The following ZNF518A variants were observed in gnomAD, a reference collection of about 807,000 sequenced individuals.
ZNF518A encodes zinc finger protein 518.
ZNF518A carries 47 observed loss-of-function variants against 102.7 expected under a neutral mutation model. The ratio of observed to expected loss-of-function variants is 0.46; its 90% CI spans 0.36 to 0.58. ZNF518A has a LOEUF of 0.58. Among genes scored for constraint, ZNF518A ranks in the 20% least tolerant of loss-of-function variants. ZNF518A has a pLI of 0.00. For missense variants in ZNF518A, 1,793 were observed against 1,699.8 expected, an observed-to-expected ratio of 1.05 and a Z score of -0.96; for synonymous variants, 652 against 594.6, an observed-to-expected ratio of 1.10 and a Z score of -1.40.
At chr10:96,189,529 T>A in intron 1 of ZNF518A, 1 of 654,024 alleles carries the variant, frequency 1.5e-6, no homozygotes, top group East Asian at 3.4e-5. Context: ...CTAGGCCCTT[T>A]TGGTGTTTTA....
At chr10:96,193,867 C>T (rs1485933614) in intron 1 of ZNF518A, among the ~76,000 whole-genome samples, 1 of 152,194 alleles carries the variant, frequency 6.6e-6, no homozygotes, top group Non-Finnish European at 1.5e-5. Flanking sequence ...ACATGATTGA[C>T]ATCATGTAAC....
chr10:96,171,731 GTA>G (rs2083175219), intron 1 of ZNF518A, among the ~76,000 whole-genome samples: 2 of 152,210 alleles, frequency 1.3e-5, no homozygotes, highest in South Asian at 4.1e-4. Context: ...CAACATATGT[GTA>G]ATGAAAAATT....
At chr10:96,145,076 G>GTTGTTGTTT (rs2082110634) in intron 3 of ZNF518A, among the ~76,000 whole-genome samples, 1 of 151,974 alleles carries the variant, frequency 6.6e-6, no homozygotes, top group Non-Finnish European at 1.5e-5. Context: ...TGTTGTTGTT[G>GTTGTTGTTT]TTGTTGTTGT....
downstream of ZNF518A, among the ~76,000 whole-genome samples, chr10:96,166,200 C>T (rs1403858845): frequency 1.3e-5 from 2 of 152,202 alleles, no homozygotes; most frequent in South Asian, 2.1e-4. Context: ...TTGGATTGTG[C>T]GTCAATCACA....
At chr10:96,180,301 G>A (rs1380502771) in intron 1 of ZNF518A, among the ~76,000 whole-genome samples, 1 of 149,166 alleles carries the variant, frequency 6.7e-6, no homozygotes, top group Non-Finnish European at 1.5e-5. Context: ...TATAATTACA[G>A]GTGTGAGCCA....
chr10:96,169,130 G>C (rs1312917961), intron 1 of ZNF518A, among the ~76,000 whole-genome samples: 1 of 152,084 alleles, frequency 6.6e-6, no homozygotes, highest in Admixed American at 6.6e-5. Context: ...CTAGACTCAA[G>C]CATTCCTTCC....
At chr10:96,196,901 C>A in intron 1 of ZNF518A, 1 of 1,612,614 alleles carries the variant, frequency 6.2e-7, no homozygotes, top group Non-Finnish European at 8.5e-7. Flanking sequence ...AAAAAGAAAT[C>A]ACTGACCTCT....
At chr10:96,188,997 C>T (rs2083290175) in intron 1 of ZNF518A, among the ~76,000 whole-genome samples, 1 of 152,174 alleles carries the variant, frequency 6.6e-6, no homozygotes, top group African/African-American at 2.4e-5. Flanking sequence ...TCACTCCAGT[C>T]CCTCATCTTC....
At chr10:96,204,270 T>A (rs1554896891), downstream of ZNF518A, 1 of 770,182 alleles carries the variant, frequency 1.3e-6, no homozygotes, top group African/African-American at 1.8e-5. Flanking sequence ...GACTCTTCCT[T>A]TTAGTTTTGA....
downstream of ZNF518A, chr10:96,204,578 G>A (rs1554896965): frequency 6.2e-7 from 1 of 1,613,956 alleles, no homozygotes; most frequent in African/African-American, 1.3e-5. Flanking sequence ...TCTTGTCTGT[G>A]ACTTGACCCT....
chr10:96,167,834 G>A (rs11598837), downstream of ZNF518A, among the ~76,000 whole-genome samples: 56,493 of 151,998 alleles, frequency 0.37, 11,882 homozygotes, highest in Middle Eastern at 0.55. Context: ...AATTCTCTAG[G>A]CAAAGCTTTC....
At chr10:96,199,349 C>T (rs2083564081) in intron 1 of ZNF518A, 1 of 256,226 alleles carries the variant, frequency 3.9e-6, no homozygotes, top group East Asian at 1.0e-4. Flanking sequence ...CATTTACTTC[C>T]AGGTATTTTT....
chr10:96,154,552 C>G (rs2082608289), intron 3 of ZNF518A, among the ~76,000 whole-genome samples: 1 of 151,770 alleles, frequency 6.6e-6, no homozygotes, highest in Admixed American at 6.6e-5. Flanking sequence ...CTAGTTCATT[C>G]TCCTAGAAAG....
At position 96,157,297 on chromosome 10, in the gene ZNF518A, G is replaced by A; in HGVS notation, c.975G>A (p.Lys325=). 3 of 1,612,254 alleles carry A rather than the reference G, an allele frequency of 1.9e-6. No homozygotes were observed. Among genetic ancestry groups the A allele is most frequent in the Non-Finnish European group, 2.5e-6 (3 of 1,179,088 alleles). The change falls in exon 6 of 6, where the codon AAG becomes AAA. Residue 325 remains lysine, a synonymous_variant. Transcript: ENST00000316045. ...GATATAAAATAGGTGCATCAAGGAA[G>A]ACGTTCTGGAAACGTAAGAAAATTA... The part of the protein sequence containing the change: ...LKRYKIGASR[K]TFWKRKKINS...
chr10:96,145,370 G>T (rs138899717), intron 3 of ZNF518A, among the ~76,000 whole-genome samples: 10 of 152,100 alleles, frequency 6.6e-5, no homozygotes, highest in African/African-American at 2.4e-4. Flanking sequence ...GCTCCTGGTC[G>T]CATCTTTTTA....
At chr10:96,177,908 A>G (rs782117540) in intron 1 of ZNF518A, among the ~76,000 whole-genome samples, 1 of 152,162 alleles carries the variant, frequency 6.6e-6, no homozygotes, top group Non-Finnish European at 1.5e-5. Context: ...AAAGAGTTCC[A>G]TTCATTAAGA....
intron 3 of ZNF518A, among the ~76,000 whole-genome samples, chr10:96,141,201 G>C (rs1026476431): frequency 6.6e-6 from 1 of 152,160 alleles, no homozygotes; most frequent in African/African-American, 2.4e-5. Flanking sequence ...TTGCATTTAG[G>C]AAGCTTATAA....
At chr10:96,146,002 T>A (rs1432069226) in intron 3 of ZNF518A, among the ~76,000 whole-genome samples, 2 of 152,216 alleles carry the variant, frequency 1.3e-5, no homozygotes, top group Non-Finnish European at 2.9e-5. Flanking sequence ...TTTTTGTATG[T>A]GTATTCTTCT....
At chr10:96,168,416 G>T (rs1245990526), downstream of ZNF518A, among the ~76,000 whole-genome samples, 1 of 150,250 alleles carries the variant, frequency 6.7e-6, no homozygotes, top group Admixed American at 6.6e-5. Context: ...TTGTGCTGGT[G>T]AATATATTTA....
Sources: allele counts gnomAD v4.1 joint callset (sites outside exome capture counted in the v4.1 genomes callset), GRCh38; gene constraint gnomAD v4.1.1; transcripts MANE v1.5; gene names NCBI Gene and HGNC (gene_info 2026-07-23, HGNC 2026-07-21).